Variants in NCK2 observed in about 807,000 individuals in gnomAD.
The protein encoded by NCK2 is cytoplasmic protein NCK2.
NCK2 carries 16 observed loss-of-function variants against 33.9 expected under a neutral mutation model. The observed-to-expected ratio is 0.47, with a 90% CI of 0.32 to 0.72. The LOEUF is 0.72. Among genes scored for constraint, NCK2 ranks in the 30% least tolerant of loss-of-function variants. The pLI is 0.03. For synonymous variants in NCK2, 273 were observed against 239.9 expected (o/e 1.14, Z -1.27); for missense variants, 418 against 537.3 (o/e 0.78, Z 2.19).
intron 1 of NCK2, among the ~76,000 whole-genome samples, chr2:105,803,668 C>T (rs778538393): frequency 4.6e-5 from 7 of 152,164 alleles, no homozygotes; most frequent in Non-Finnish European, 8.8e-5. Flanking sequence ...CCAGGTTAGT[C>T]GTCTTTCACA....
intron 1 of NCK2, among the ~76,000 whole-genome samples, chr2:105,780,806 C>T (rs1182613551): frequency 6.6e-6 from 1 of 152,218 alleles, no homozygotes; most frequent in East Asian, 1.9e-4. Context: ...CAGCAAGAAG[C>T]CGCCGTGTAG....
chr2:105,880,867 G>A (rs957475918), intron 3 of NCK2, among the ~76,000 whole-genome samples: 2 of 151,148 alleles, frequency 1.3e-5, no homozygotes, highest in African/African-American at 4.9e-5. Flanking sequence ...TCTCAACTCT[G>A]GCTCAAGCCA....
rs548517401 is a variant in NCK2 at position 105,825,249 on chromosome 2, T to G, written c.-17+8636T>G. Among the ~76,000 whole-genome samples, 7 of 152,326 alleles carry G rather than the reference T, an allele frequency of 4.6e-5. No homozygotes were observed. In the South Asian group the frequency reaches 1.4e-3, roughly 32 times the overall value. ...AGTGGGCAGACAGGACCTGGGCATC[T>G]GTGCTGTTAACGCTGATCTTCCCTA... is the stretch of plus-strand genomic sequence containing the variant. On this transcript the variant is annotated intron_variant, in intron 2 of 4. Coordinates refer to ENST00000233154, the MANE Select transcript of NCK2 (RefSeq NM_003581.5).
intron 1 of NCK2, among the ~76,000 whole-genome samples, chr2:105,773,332 G>A (rs1349292946): frequency 6.6e-5 from 10 of 151,964 alleles, no homozygotes; most frequent in Admixed American, 2.6e-4. Flanking sequence ...CCAGCCACCC[G>A]CTTGAGGCAG....
intron 2 of NCK2, among the ~76,000 whole-genome samples, chr2:105,838,135 T>A (rs566659283): frequency 1.3e-3 from 197 of 152,126 alleles, no homozygotes; most frequent in African/African-American, 4.6e-3. Flanking sequence ...AGATAACCAC[T>A]ATTTATAAAC....
intron 2 of NCK2, among the ~76,000 whole-genome samples, chr2:105,831,814 G>A (rs970564859): frequency 1.3e-5 from 2 of 152,174 alleles, no homozygotes. Flanking sequence ...ATATTTTGAA[G>A]TCATGTGGTG....
chr2:105,854,896 G>A (rs1677198324), intron 2 of NCK2, 152 bp from the exon 3 acceptor site: 6 of 593,008 alleles, frequency 1.0e-5, no homozygotes, highest in Non-Finnish European at 1.5e-5. Context: ...GTTGAAAGAA[G>A]GTCATTTTAA....
At chr2:105,784,072 A>G (rs1690590624) in intron 1 of NCK2, among the ~76,000 whole-genome samples, 1 of 152,210 alleles carries the variant, frequency 6.6e-6, no homozygotes, top group African/African-American at 2.4e-5. Context: ...ATTGGCAGTG[A>G]TGAAATTCAT....
At chr2:105,854,937 T>C (rs6543345) in intron 2 of NCK2, 111 bp from the exon 3 acceptor site, 655,361 of 709,670 alleles carry the variant, frequency 0.92, 303,007 homozygotes, top group East Asian at 0.99. Flanking sequence ...AGGAGAAAAC[T>C]GGTTGCAGAG....
At chr2:105,786,522 C>A (rs539799047) in intron 1 of NCK2, among the ~76,000 whole-genome samples, 1 of 152,188 alleles carries the variant, frequency 6.6e-6, no homozygotes, top group Non-Finnish European at 1.5e-5. Flanking sequence ...GATGCTGAGT[C>A]GGTTCCTTTA....
intron 1 of NCK2, among the ~76,000 whole-genome samples, chr2:105,783,048 G>A (rs114780078): frequency 0.019 from 2,862 of 152,254 alleles, 53 homozygotes; most frequent in Non-Finnish European, 0.022. Context: ...TTGGGTACCT[G>A]GGATATAACC....
At chr2:105,882,435 C>A (rs576829075) in intron 4 of NCK2, among the ~76,000 whole-genome samples, 1 of 152,328 alleles carries the variant, frequency 6.6e-6, no homozygotes, top group South Asian at 2.1e-4. Context: ...AGAAAGCATT[C>A]TTTGCAAGAC....
intron 1 of NCK2, among the ~76,000 whole-genome samples, chr2:105,807,244 C>G (rs971562172): frequency 6.6e-6 from 1 of 152,138 alleles, no homozygotes; most frequent in Non-Finnish European, 1.5e-5. Context: ...TGGGAAGGGC[C>G]GCCCTCGCAG....
intron 3 of NCK2, among the ~76,000 whole-genome samples, chr2:105,868,051 G>C (rs545565216): frequency 6.6e-6 from 1 of 152,130 alleles, no homozygotes. Flanking sequence ...CTGAGAGAGC[G>C]CTCGTTTACT....
At chr2:105,798,728 A>G (rs1048066006) in intron 1 of NCK2, among the ~76,000 whole-genome samples, 9 of 152,214 alleles carry the variant, frequency 5.9e-5, no homozygotes, top group Middle Eastern at 3.2e-3. Context: ...GTGGGTGTCT[A>G]TTTTGAAGCA....
chr2:105,826,845 A>G (rs1379272513), intron 2 of NCK2, among the ~76,000 whole-genome samples: 1 of 152,168 alleles, frequency 6.6e-6, no homozygotes, highest in Non-Finnish European at 1.5e-5. Flanking sequence ...TATGTTGAAA[A>G]TAAAAGGATG....
chr2:105,858,021 T>C (rs932101558), intron 3 of NCK2, among the ~76,000 whole-genome samples: 1 of 151,666 alleles, frequency 6.6e-6, no homozygotes, highest in African/African-American at 2.4e-5. Flanking sequence ...TGTTTGTGTT[T>C]TGTTTTTTGT....
intron 1 of NCK2, among the ~76,000 whole-genome samples, chr2:105,760,520 C>T (rs573469146): frequency 6.6e-6 from 1 of 152,166 alleles, no homozygotes; most frequent in Non-Finnish European, 1.5e-5. Context: ...ACACCTCTTC[C>T]CTGCTGGTGG....
rs142896657 is a variant in NCK2 at position 105,872,880 on chromosome 2, A to T, written c.227-8448A>T. ...AGTAACTGAGTCCCCTTTCTCCTTC[A>T]TCCGGGGACACCTCTGTTGAGCAGT... is the stretch of plus-strand genomic sequence containing the variant. On this transcript the variant is annotated intron_variant, in intron 3 of 4. Transcript: ENST00000233154. 2.9e-3 allele frequency among the ~76,000 whole-genome samples: 449 copies of T among 152,340 alleles called. 1 individual carries two copies. Among genetic ancestry groups the T allele is most frequent in the African/African-American group, 9.7e-3 (404 of 41,592 alleles).
Sources: allele counts gnomAD v4.1 joint callset (sites outside exome capture counted in the v4.1 genomes callset), GRCh38; gene constraint gnomAD v4.1.1; transcripts MANE v1.5; gene names NCBI Gene and HGNC (gene_info 2026-07-23, HGNC 2026-07-21).